The following OSBPL6 variants were observed in gnomAD, a reference collection of about 807,000 sequenced individuals.
OSBPL6 encodes oxysterol binding protein like 6, also known as oxysterol-binding protein-related protein 6.
Under a neutral mutation model 125.8 loss-of-function variants are expected in OSBPL6, and 49 were observed. The ratio of observed to expected loss-of-function variants is 0.39; its 90% confidence interval spans 0.31 to 0.49. The LOEUF is 0.49. Ranked by LOEUF, OSBPL6 falls within the 20% of genes least tolerant of loss-of-function variation. OSBPL6 has a pLI of 0.88. For missense variants in OSBPL6, 986 were observed against 1,135.4 expected (o/e 0.87, Z 1.89); for synonymous variants, 394 against 391.8 (o/e 1.01, Z -0.07).
chr2:178,289,809 T>TTGTTACTTA (rs1685069611), intron 2 of OSBPL6, among the ~76,000 whole-genome samples: 1 of 151,468 alleles, frequency 6.6e-6, no homozygotes, highest in South Asian at 2.1e-4. Context: ...TGGCTGATTG[T>TTGTTACTTA]TGTTACTTAA....
intron 11 of OSBPL6, among the ~76,000 whole-genome samples, chr2:178,342,487 A>G (rs1690304696): frequency 6.6e-6 from 1 of 152,202 alleles, no homozygotes; most frequent in African/African-American, 2.4e-5. Context: ...ATTAAATGAG[A>G]AGGTTAAATT....
chr2:178,366,811 A>T (rs189061779), intron 13 of OSBPL6, among the ~76,000 whole-genome samples: 1 of 152,230 alleles, frequency 6.6e-6, no homozygotes, highest in Non-Finnish European at 1.5e-5. Flanking sequence ...AATTTGTTGT[A>T]TGTGAAGATA....
intron 17 of OSBPL6, among the ~76,000 whole-genome samples, chr2:178,383,669 A>G (rs723841): frequency 0.48 from 72,595 of 152,004 alleles, 18,275 homozygotes; most frequent in East Asian, 0.8. Flanking sequence ...TGTGGGAAAC[A>G]TGCCATGCCC....
At chr2:178,216,008 G>A (rs2090080940) in intron 1 of OSBPL6, among the ~76,000 whole-genome samples, 1 of 152,166 alleles carries the variant, frequency 6.6e-6, no homozygotes, top group African/African-American at 2.4e-5. Flanking sequence ...TGAACCAAGG[G>A]AGAAGTTTGA....
At chr2:178,316,440 C>T (rs1687743346) in intron 3 of OSBPL6, among the ~76,000 whole-genome samples, 2 of 152,134 alleles carry the variant, frequency 1.3e-5, no homozygotes, top group African/African-American at 4.8e-5. Context: ...TAAATAACCT[C>T]TCTCATAGCC....
intron 1 of OSBPL6, among the ~76,000 whole-genome samples, chr2:178,248,880 GTTA>G (rs1472887738): frequency 6.6e-6 from 1 of 151,908 alleles, no homozygotes; most frequent in Non-Finnish European, 1.5e-5. Context: ...TTAATTTTCT[GTTA>G]TTATTTCTCC....
chr2:178,381,114 T>C (rs993702760), intron 15 of OSBPL6, among the ~76,000 whole-genome samples: 3 of 152,204 alleles, frequency 2.0e-5, no homozygotes, highest in Admixed American at 2.0e-4. Context: ...TTGAAGGAAG[T>C]AAGTATCAGC....
chr2:178,382,367 G>T, intron 15 of OSBPL6, 53 bp from the exon 16 acceptor site: 1 of 1,535,280 alleles, frequency 6.5e-7, no homozygotes, highest in Non-Finnish European at 8.7e-7. Context: ...GATTATCTGA[G>T]CTTGCAAAAC....
intron 1 of OSBPL6, among the ~76,000 whole-genome samples, chr2:178,243,459 C>T (rs2091368652): frequency 6.6e-6 from 1 of 152,164 alleles, no homozygotes; most frequent in South Asian, 2.1e-4. Flanking sequence ...GGGGCCACTC[C>T]ATTCAATCAG....
chr2:178,295,355 A>G (rs1412509680), intron 2 of OSBPL6, among the ~76,000 whole-genome samples: 1 of 152,230 alleles, frequency 6.6e-6, no homozygotes, highest in African/African-American at 2.4e-5. Flanking sequence ...AAGGTTCAGC[A>G]CTATAGCCCA....
At chr2:178,392,701 AG>A (rs1449080638) in intron 23 of OSBPL6, among the ~76,000 whole-genome samples, 163 bp downstream of exon 23, 1 of 151,940 alleles carries the variant, frequency 6.6e-6, no homozygotes, top group Non-Finnish European at 1.5e-5. Context: ...CTAAAAAAAA[AG>A]AATTAAAAAT....
At chr2:178,217,334 A>G (rs1423528881) in intron 1 of OSBPL6, among the ~76,000 whole-genome samples, 2 of 152,200 alleles carry the variant, frequency 1.3e-5, no homozygotes, top group African/African-American at 4.8e-5. Context: ...ATTGCAGGAA[A>G]CTGAGAGGCA....
chr2:178,390,952 G>A (rs1264644490), intron 21 of OSBPL6, 121 bp from the exon 22 acceptor site: 7 of 1,300,840 alleles, frequency 5.4e-6, no homozygotes, highest in South Asian at 1.4e-5. Flanking sequence ...TGAGATTTCT[G>A]TATTTCTGAA....
intron 1 of OSBPL6, among the ~76,000 whole-genome samples, chr2:178,218,755 G>A (rs952842690): frequency 4.6e-5 from 7 of 150,966 alleles, no homozygotes; most frequent in Non-Finnish European, 8.8e-5. Context: ...TCAGCCTCCC[G>A]AATAGCTGGG....
intron 1 of OSBPL6, among the ~76,000 whole-genome samples, chr2:178,197,395 G>A (rs2088964656): frequency 6.6e-6 from 1 of 152,190 alleles, no homozygotes; most frequent in South Asian, 2.1e-4. Context: ...ACACATGGAT[G>A]TTTGTTATTG....
At chr2:178,317,901 GCGT>G (rs1405641799) in intron 3 of OSBPL6, among the ~76,000 whole-genome samples, 1 of 152,136 alleles carries the variant, frequency 6.6e-6, no homozygotes, top group East Asian at 1.9e-4. Flanking sequence ...ATGTTCCAGA[GCGT>G]TAGCTCTTGA....
rs1695841530 is a variant in OSBPL6 at position 178,396,298 on chromosome 2, G to A, written c.*739G>A. 1 of 154,184 alleles carries A rather than the reference G, an allele frequency of 6.5e-6. No individual in the cohort carries two copies. Among genetic ancestry groups the A allele is most frequent in the African/African-American group, 2.4e-5 (1 of 41,428 alleles). 9.6% of individuals were successfully genotyped at this position (154,184 alleles called of 1,614,324 possible). A position where few individuals can be genotyped will look rare whatever the true frequency, so the allele number is the denominator to read the frequency against. On this transcript the variant is annotated 3_prime_UTR_variant, in exon 25 of 25. Coordinates refer to ENST00000190611, the MANE Select transcript of OSBPL6 (RefSeq NM_032523.4). ...TACTCTGATAAGTCAGTTACCATATGGTATGTCTGAAGGGAAAGAAGGAAA... is the reference window on the plus strand; with the variant it reads ...TACTCTGATAAGTCAGTTACCATATAGTATGTCTGAAGGGAAAGAAGGAAA...
intron 3 of OSBPL6, among the ~76,000 whole-genome samples, chr2:178,318,780 C>T (rs1687985412): frequency 6.6e-6 from 1 of 152,192 alleles, no homozygotes; most frequent in African/African-American, 2.4e-5. Context: ...GCACGGCTTC[C>T]TCACTTCCAA....
At chr2:178,283,385 T>TAA (rs200914146) in intron 1 of OSBPL6, among the ~76,000 whole-genome samples, 1 of 133,728 alleles carries the variant, frequency 7.5e-6, no homozygotes, top group South Asian at 2.3e-4. Flanking sequence ...TCTCAATAAG[T>TAA]AAAAAAAAAA....
Sources: allele counts gnomAD v4.1 joint callset (sites outside exome capture counted in the v4.1 genomes callset), GRCh38; gene constraint gnomAD v4.1.1; transcripts MANE v1.5; gene names NCBI Gene and HGNC (gene_info 2026-07-23, HGNC 2026-07-21).